SIK3: variants seen among roughly 807,000 people sequenced by gnomAD.
The protein encoded by SIK3 is serine/threonine-protein kinase SIK3.
A neutral mutation model predicts 144.2 loss-of-function variants in SIK3; 28 were observed. That is an observed-to-expected ratio of 0.19 (90% CI 0.14 to 0.27). The LOEUF (loss-of-function observed/expected upper bound fraction) is 0.27, where lower values mean the gene tolerates loss of function less well. SIK3 is among the 10% of genes least tolerant of loss of function. SIK3 has a pLI of 1.00. For missense variants in SIK3, 1,319 were observed against 1,776.0 expected (o/e 0.74, Z 4.62); for synonymous variants, 686 against 676.3 (o/e 1.01, Z -0.22).
At chr11:116,967,511 T>G (rs890205688) in intron 1 of SIK3, among the ~76,000 whole-genome samples, 18 of 152,210 alleles carry the variant, frequency 1.2e-4, no homozygotes, top group African/African-American at 4.3e-4. Flanking sequence ...AATAACACAG[T>G]CTGCGTGAAG....
rs1591591835 is a variant in SIK3 at position 117,039,777 on chromosome 11, A to T, written c.273+58366T>A. Reference sequence around the variant, plus strand: ...TTAATCCTCACATAGACACTAAAGAAGTAGTTACTATTATTTTACAAAGAA... The same window carrying T: ...TTAATCCTCACATAGACACTAAAGATGTAGTTACTATTATTTTACAAAGAA... On this transcript the variant is annotated intron_variant, in intron 1 of 24. Coordinates refer to ENST00000445177, the MANE Select transcript of SIK3 (RefSeq NM_001366686.3). Among the ~76,000 whole-genome samples the T allele has an allele frequency of 2.0e-5, 3 of 152,332 alleles. No individual in the cohort carries two copies. The South Asian group carries it at 6.2e-4, about 32-fold the overall frequency.
At chr11:116,984,651 A>G (rs1423412137) in intron 1 of SIK3, among the ~76,000 whole-genome samples, 1 of 152,126 alleles carries the variant, frequency 6.6e-6, no homozygotes, top group African/African-American at 2.4e-5. Flanking sequence ...AAACGTGGCT[A>G]AGATTGATTG....
At chr11:116,946,329 T>C (rs1327044639) in intron 3 of SIK3, among the ~76,000 whole-genome samples, 3 of 152,096 alleles carry the variant, frequency 2.0e-5, no homozygotes, top group African/African-American at 4.8e-5. Context: ...TGGCAGAAGA[T>C]AGGAAACCCC....
chr11:117,023,609 C>CAAACAAAA (rs1377928104), intron 1 of SIK3, among the ~76,000 whole-genome samples: 1 of 51,988 alleles, frequency 1.9e-5, no homozygotes, highest in African/African-American at 8.3e-5. Context: ...AACAAACAAA[C>CAAACAAAA]AAAAAAAAAA....
At chr11:116,847,352 C>T (rs532902900) in intron 23 of SIK3, 124 bp downstream of exon 23, 4 of 1,345,226 alleles carry the variant, frequency 3.0e-6, no homozygotes, top group Non-Finnish European at 4.2e-6. Context: ...TGTCCAGAAC[C>T]TGTGGGATGC....
At chr11:116,870,079 G>T (rs1045422288) in intron 14 of SIK3, 333 of 1,457,922 alleles carry the variant, frequency 2.3e-4, no homozygotes, top group Non-Finnish European at 3.8e-5. Context: ...GAAGAAGGAG[G>T]GAGGAAAGAA....
At chr11:117,094,703 A>G (rs1262416267) in intron 1 of SIK3, among the ~76,000 whole-genome samples, 1 of 152,210 alleles carries the variant, frequency 6.6e-6, no homozygotes, top group East Asian at 1.9e-4. Flanking sequence ...CACAGGCAAC[A>G]GACTACCTGC....
intron 1 of SIK3, among the ~76,000 whole-genome samples, chr11:117,097,826 C>CG (rs1003733388): frequency 6.6e-6 from 1 of 152,118 alleles, no homozygotes; most frequent in African/African-American, 2.4e-5. Context: ...AGTCTCCCGG[C>CG]CCTCGGGGAG....
chr11:116,929,430 TGC>T (rs1947471497), intron 3 of SIK3, among the ~76,000 whole-genome samples: 1 of 152,228 alleles, frequency 6.6e-6, no homozygotes, highest in Non-Finnish European at 1.5e-5. Flanking sequence ...GCTTCTTAAA[TGC>T]TGCAGAATGA....
chr11:117,035,926 T>A, intron 1 of SIK3: 1 of 1,594,874 alleles, frequency 6.3e-7, no homozygotes, highest in East Asian at 2.2e-5. Context: ...CCGTGATGAT[T>A]TTATAGCATC....
chr11:116,869,428 C>A (rs1290797092), intron 14 of SIK3: 1 of 152,190 alleles, frequency 6.6e-6, no homozygotes, highest in Non-Finnish European at 1.5e-5. Flanking sequence ...AATCAGTTAA[C>A]AGACTGTAGA....
At chr11:116,919,609 GT>G (rs1010001460) in intron 4 of SIK3, among the ~76,000 whole-genome samples, 3 of 152,184 alleles carry the variant, frequency 2.0e-5, no homozygotes, top group Non-Finnish European at 2.9e-5. Flanking sequence ...TCTTCAGGGA[GT>G]AAGCCAGCTA....
chr11:117,078,990 TA>T (rs35578594), intron 1 of SIK3, among the ~76,000 whole-genome samples: 58,626 of 146,412 alleles, frequency 0.4, 14,414 homozygotes, highest in African/African-American at 0.72. Context: ...TATGATATCC[TA>T]AAAAAAAAAA....
intron 1 of SIK3, among the ~76,000 whole-genome samples, chr11:116,968,009 T>C (rs999342918): frequency 1.3e-5 from 2 of 152,242 alleles, no homozygotes; most frequent in African/African-American, 4.8e-5. Flanking sequence ...AATCATCACA[T>C]TTTCAAGTCA....
At chr11:117,059,000 GA>G (rs1221436091) in intron 1 of SIK3, among the ~76,000 whole-genome samples, 1 of 152,212 alleles carries the variant, frequency 6.6e-6, no homozygotes, top group Non-Finnish European at 1.5e-5. Flanking sequence ...ATGCCAGGAA[GA>G]ATGTCACAAA....
At chr11:117,041,925 T>C (rs1952759522) in intron 1 of SIK3, among the ~76,000 whole-genome samples, 1 of 152,120 alleles carries the variant, frequency 6.6e-6, no homozygotes, top group Non-Finnish European at 1.5e-5. Flanking sequence ...TTTCATGTCT[T>C]TTTCATCTTT....
rs1199411821 is a variant in SIK3, at chr11:116,866,269, A to T, written c.1952+1677T>A. ...GACTTCAGCTAAACAACAGACTCAG[A>T]CAAGGGCTGAAACATTAAGTGTCAG... On this transcript the variant is annotated intron_variant, in intron 15 of 24. Transcript: ENST00000445177. Among the ~76,000 whole-genome samples the T allele has an allele frequency of 3.3e-5, 5 of 152,318 alleles. No individual in the cohort carries two copies. In the East Asian group the frequency reaches 5.8e-4, roughly 18 times the overall value.
chr11:116,971,857 G>T (rs998468244), intron 1 of SIK3, among the ~76,000 whole-genome samples: 1 of 152,106 alleles, frequency 6.6e-6, no homozygotes, highest in Non-Finnish European at 1.5e-5. Context: ...GGGAGGCCGA[G>T]GCGGGTGGAT....
intron 16 of SIK3, 151 bp downstream of exon 16, chr11:116,863,517 C>T: frequency 2.5e-6 from 3 of 1,180,104 alleles, no homozygotes; most frequent in African/African-American, 1.5e-5. Context: ...GCGGGATCCA[C>T]TGCGCCCGGC....
Sources: gnomAD v4.1 joint callset for allele counts (sites outside exome capture counted in the v4.1 genomes callset) on GRCh38, gnomAD v4.1.1 for gene constraint, MANE v1.5 for transcripts, NCBI Gene and HGNC (gene_info 2026-07-23, HGNC 2026-07-21) for gene names.